The following WDR1 variants were observed in gnomAD, a reference collection of about 807,000 sequenced individuals.
The protein encoded by WDR1 is WD repeat-containing protein 1.
Under a neutral mutation model 71.9 loss-of-function variants are expected in WDR1, and 21 were observed. That is an observed-to-expected ratio of 0.29 (90% CI 0.21 to 0.42). The LOEUF (loss-of-function observed/expected upper bound fraction) is 0.42. Ranked by LOEUF, WDR1 falls within the 10% of genes least tolerant of loss-of-function variation. The pLI, the probability that WDR1 is intolerant of heterozygous loss-of-function variation, is 1.00. For synonymous variants in WDR1, 424 were observed against 347.4 expected, an observed-to-expected ratio of 1.22 and a Z score of -2.45; for missense variants, 696 against 824.5, an observed-to-expected ratio of 0.84 and a Z score of 1.91.
At position 10,083,031 on chromosome 4, in the gene WDR1, C is replaced by T. The variant is rs769816114; in HGVS notation, c.1187G>A (p.Arg396Gln). 25 of 1,612,174 alleles carry T rather than the reference C, an allele frequency of 1.6e-5. No individual in the cohort carries two copies. Among genetic ancestry groups the T allele is most frequent in the Non-Finnish European group, 1.9e-5 (22 of 1,178,858 alleles). ...ACCCGAGTGCTCTCACCTGTAGTCC[C>T]GCAGCATGAGGCTGGTGTACCGCAC... is the stretch of plus-strand genomic sequence containing the variant. ...DTVRYTSLML[R>Q]DYSGQGVVKL... is the part of the protein sequence containing the mutation. Residue 396 changes from arginine to glutamine, a missense_variant, in exon 10 of 15, where the codon CGG becomes CAG. By Grantham distance (43) the Arg-to-Gln change is conservative. Transcript: ENST00000499869.
At chr4:10,082,980 C>G (rs1184416703) in intron 10 of WDR1, 42 bp downstream of exon 10, 4 of 1,579,132 alleles carry the variant, frequency 2.5e-6, no homozygotes, top group Admixed American at 3.5e-5. Context: ...CCGAGGGGAG[C>G]TGAGGCTCAT....
rs758557904 is a variant in WDR1 at position 10,088,785 on chromosome 4, G to A, written c.559-44C>T. 4.8e-6 allele frequency: 7 copies of A among 1,452,152 alleles called. No individual in the cohort carries two copies. In the Admixed American group the frequency reaches 1.2e-4, roughly 24 times the overall value. The allele number at this position is 1,452,152 out of a possible 1,614,324, so 90.0% of individuals were successfully genotyped here. A position where few individuals can be genotyped will look rare whatever the true frequency, so the allele number is the denominator to read the frequency against. On this transcript the variant is annotated intron_variant, in intron 5 of 14. Coordinates refer to ENST00000499869, the MANE Select transcript of WDR1 (RefSeq NM_017491.5). ...CTGCCTGATGAGGGGCCGCAGGCCT[G>A]ACTCTAGGTTCAAGAATGCTCTCTA...
At chr4:10,078,073 C>T (rs1218511936) in intron 12 of WDR1, 147 bp from the exon 13 acceptor site, 4 of 1,052,328 alleles carry the variant, frequency 3.8e-6, no homozygotes, top group Admixed American at 6.3e-5. Flanking sequence ...CTGGGCATGG[C>T]TCTTCCCGTG....
chr4:10,089,966 G>A (rs951511318), intron 5 of WDR1, among the ~76,000 whole-genome samples: 11 of 152,166 alleles, frequency 7.2e-5, no homozygotes. Context: ...GGTCATTAGG[G>A]CAGGCTGTAA....
intron 5 of WDR1, chr4:10,096,691 T>C (rs938308379): frequency 3.3e-5 from 5 of 152,228 alleles, no homozygotes; most frequent in Admixed American, 1.3e-4. Context: ...TTATGATTCA[T>C]GGCATGATGT....
chr4:10,088,061 G>A, intron 7 of WDR1, 121 bp from the exon 8 acceptor site: 1 of 1,034,156 alleles, frequency 9.7e-7, no homozygotes, highest in Non-Finnish European at 1.4e-6. Flanking sequence ...AGAGAGGGTG[G>A]GACATGAGTG....
At chr4:10,104,015 A>C (rs770989873) in intron 2 of WDR1, 29 bp from the exon 3 acceptor site, 1 of 1,570,764 alleles carries the variant, frequency 6.4e-7, no homozygotes, top group East Asian at 2.3e-5. Flanking sequence ...GAATGAACAG[A>C]AGGAATGGAG....
At chr4:10,085,288 C>G (rs1024280784) in intron 8 of WDR1, among the ~76,000 whole-genome samples, 5 of 152,268 alleles carry the variant, frequency 3.3e-5, no homozygotes, top group Non-Finnish European at 7.3e-5. Flanking sequence ...TTCTTGATCT[C>G]TGTGGTATGC....
chr4:10,089,571 C>A (rs1265906986), intron 5 of WDR1, among the ~76,000 whole-genome samples: 1 of 152,186 alleles, frequency 6.6e-6, no homozygotes, highest in African/African-American at 2.4e-5. Context: ...AGAGACTGAT[C>A]CTTAAATAAG....
Position 10,095,445 on chromosome 4 carries a change from A to G in WDR1, c.558+2266T>C, listed in dbSNP as rs372739445. Among the ~76,000 whole-genome samples, 8 of 152,250 alleles carry G rather than the reference A, an allele frequency of 5.3e-5. No individual in the cohort carries two copies. The East Asian group carries it at 1.5e-3, about 29-fold the overall frequency. On this transcript the variant is annotated intron_variant, in intron 5 of 14. Coordinates refer to ENST00000499869, the MANE Select transcript of WDR1 (RefSeq NM_017491.5). The stretch of plus-strand genomic sequence containing the variant: ...GAAGCCCAGCGATGCTCAGCCCACC[A>G]TGTCCTCAAAGCTGACTGTGGCTGG...
chr4:10,111,166 C>A (rs1713330276), intron 2 of WDR1, among the ~76,000 whole-genome samples: 1 of 152,208 alleles, frequency 6.6e-6, no homozygotes, highest in Admixed American at 6.5e-5. Context: ...TGAATGGCTC[C>A]AGTGGCCTTC....
chr4:10,111,841 A>C (rs764220534), intron 2 of WDR1, among the ~76,000 whole-genome samples: 1 of 141,132 alleles, frequency 7.1e-6, no homozygotes, highest in Non-Finnish European at 1.5e-5. Flanking sequence ...AGAAAAGTCC[A>C]CTGATACTGC....
At chr4:10,081,516 T>G (rs767385913) in intron 10 of WDR1, 72 bp from the exon 11 acceptor site, 2 of 1,429,064 alleles carry the variant, frequency 1.4e-6, no homozygotes, top group Non-Finnish European at 2.0e-6. Context: ...ACATATTTAC[T>G]GTTAAACCAC....
At chr4:10,094,529 C>A (rs911105402) in intron 5 of WDR1, among the ~76,000 whole-genome samples, 1 of 152,218 alleles carries the variant, frequency 6.6e-6, no homozygotes, top group African/African-American at 2.4e-5. Context: ...TCTCGCCACC[C>A]TCCCTTTTTC....
intron 3 of WDR1, among the ~76,000 whole-genome samples, chr4:10,100,791 G>A (rs1013734660): frequency 6.6e-6 from 1 of 152,234 alleles, no homozygotes; most frequent in African/African-American, 2.4e-5. Flanking sequence ...GTCAGAAGAG[G>A]AAGTCACCAC....
At chr4:10,112,388 C>T (rs182818906) in intron 2 of WDR1, among the ~76,000 whole-genome samples, 1 of 152,318 alleles carries the variant, frequency 6.6e-6, no homozygotes, top group Admixed American at 6.5e-5. Flanking sequence ...ACATATGGTT[C>T]ACTGGAATCC....
chr4:10,104,869 C>T (rs909360700), intron 2 of WDR1, among the ~76,000 whole-genome samples: 4 of 152,198 alleles, frequency 2.6e-5, no homozygotes, highest in Non-Finnish European at 4.4e-5. Flanking sequence ...AGGCTTAGGA[C>T]ACACCAGACT....
chr4:10,097,620 G>A (rs1255916829), intron 5 of WDR1, 91 bp downstream of exon 5: 4 of 1,440,534 alleles, frequency 2.8e-6, no homozygotes, highest in Non-Finnish European at 3.8e-6. Context: ...GGCATGTGCT[G>A]TGGTCTCTGC....
chr4:10,079,412 C>T lies in WDR1; in HGVS notation c.1285-411G>A, dbSNP rs956715329. On this transcript the variant is annotated intron_variant, in intron 11 of 14. Coordinates refer to ENST00000499869, the MANE Select transcript of WDR1 (RefSeq NM_017491.5). ...CTGTGAGTGTTCCAGCCCCACAAGG[C>T]AGGGATCGGGTTCCCCGTTTCAGAG... is the stretch of plus-strand genomic sequence containing the variant. 2.6e-5 allele frequency among the ~76,000 whole-genome samples: 4 copies of T among 152,256 alleles called. No homozygotes were observed. The South Asian group carries it at 8.3e-4, about 32-fold the overall frequency.
Sources: allele counts gnomAD v4.1 joint callset (sites outside exome capture counted in the v4.1 genomes callset), GRCh38; gene constraint gnomAD v4.1.1; transcripts MANE v1.5; gene names NCBI Gene and HGNC (gene_info 2026-07-23, HGNC 2026-07-21).